Variants in ARPP21 observed in about 807,000 individuals in gnomAD.
The protein encoded by ARPP21 is cAMP-regulated phosphoprotein 21.
A neutral mutation model predicts 113.2 loss-of-function variants in ARPP21; 69 were observed. That is an observed-to-expected ratio of 0.61 (90% CI 0.50 to 0.74). The LOEUF (loss-of-function observed/expected upper bound fraction) is 0.74, where lower values mean the gene tolerates loss of function less well. Ranked by LOEUF, ARPP21 falls within the 30% of genes least tolerant of loss-of-function variation. The pLI is 0.00. For synonymous variants in ARPP21, 368 were observed against 375.5 expected, an observed-to-expected ratio of 0.98 and a Z score of 0.23; for missense variants, 1,070 against 1,037.4, an observed-to-expected ratio of 1.03 and a Z score of -0.43.
chr3:35,685,419 C>A, intron 5 of ARPP21: 2 of 984,962 alleles, frequency 2.0e-6, no homozygotes, highest in Non-Finnish European at 2.4e-6. Context: ...TCCAGACACA[C>A]ATATAAGCAA....
At chr3:35,698,849 T>C (rs2085103719) in intron 9 of ARPP21, among the ~76,000 whole-genome samples, 1 of 151,588 alleles carries the variant, frequency 6.6e-6, no homozygotes, top group African/African-American at 2.4e-5. Flanking sequence ...CTAAGTTAGA[T>C]GGTAAAAATA....
chr3:35,729,643 A>G, intron 15 of ARPP21, 107 bp downstream of exon 15: 1 of 973,430 alleles, frequency 1.0e-6, no homozygotes. Flanking sequence ...CTGAACAGGA[A>G]AGCTAGTTGC....
chr3:35,682,841 C>T lies in ARPP21; in HGVS notation c.130-7C>T. The T allele has an allele frequency of 6.2e-7, 1 of 1,604,248 alleles. No individual in the cohort carries two copies. Among genetic ancestry groups the T allele is most frequent in the Non-Finnish European group, 8.5e-7 (1 of 1,175,670 alleles). ...TTATTTTGTTTTATTTTCTTTCCAA[C>T]ATACAGAGGCGGCTGGAGGCTCAGA... On this transcript the variant is annotated splice_region_variant and splice_polypyrimidine_tract_variant and intron_variant, in intron 3 of 20. Transcript: ENST00000684406.
intron 1 of ARPP21, among the ~76,000 whole-genome samples, chr3:35,655,049 A>G (rs990503304): frequency 2.0e-5 from 3 of 151,926 alleles, no homozygotes; most frequent in African/African-American, 7.2e-5. Context: ...TTTTATATCA[A>G]TATATTTTAC....
intron 19 of ARPP21, among the ~76,000 whole-genome samples, chr3:35,761,261 A>C (rs1424527246): frequency 1.3e-5 from 2 of 152,128 alleles, no homozygotes; most frequent in Admixed American, 1.3e-4. Context: ...CTCTATATTT[A>C]GAGATGCATT....
chr3:35,695,747 C>T (rs536016626), intron 9 of ARPP21, among the ~76,000 whole-genome samples: 31 of 151,508 alleles, frequency 2.0e-4, no homozygotes, highest in Admixed American at 1.5e-3. Flanking sequence ...GGGCTATAAA[C>T]GAACATAAGA....
At chr3:35,734,460 A>T (rs1457978058) in intron 15 of ARPP21, among the ~76,000 whole-genome samples, 2 of 152,216 alleles carry the variant, frequency 1.3e-5, no homozygotes, top group African/African-American at 4.8e-5. Context: ...AAGAACATAG[A>T]AAAAAGAGAG....
intron 14 of ARPP21, among the ~76,000 whole-genome samples, chr3:35,728,031 T>G (rs1337621435): frequency 6.6e-6 from 1 of 152,028 alleles, no homozygotes; most frequent in African/African-American, 2.4e-5. Context: ...CTGTGTCATT[T>G]AAAGGATACT....
rs1437687734 is a variant in ARPP21 at position 35,639,717 on chromosome 3, C to T, written c.-894C>T. On this transcript the variant is annotated 5_prime_UTR_variant, in exon 1 of 21. Coordinates refer to ENST00000684406, the MANE Select transcript of ARPP21 (RefSeq NM_001385562.1). The surrounding 1 kb of genome is among the most constrained non-coding windows in gnomAD (Gnocchi z 5.0). ...GCACACAGAAAGATAGACAGCAACACTCGCGTGCTCCCTCCCTCCACACGC... is the reference window on the plus strand; with the variant it reads ...GCACACAGAAAGATAGACAGCAACATTCGCGTGCTCCCTCCCTCCACACGC... 6.5e-6 allele frequency: 1 copy of T among 153,204 alleles called. No homozygotes were observed. The highest frequency in any genetic ancestry group is 1.5e-5 in the Non-Finnish European group (1 of 68,860). 9.5% of individuals were successfully genotyped at this position (153,204 alleles called of 1,614,324 possible).
intron 14 of ARPP21, among the ~76,000 whole-genome samples, chr3:35,722,321 T>G (rs1248543721): frequency 6.6e-6 from 1 of 152,228 alleles, no homozygotes; most frequent in Non-Finnish European, 1.5e-5. Flanking sequence ...GCTTTCGTTC[T>G]TGCATTGGAA....
At position 35,741,986 on chromosome 3, in the gene ARPP21, G is replaced by A. The variant is rs2094692537; in HGVS notation, c.2011-1853G>A. Among the ~76,000 whole-genome samples the A allele has an allele frequency of 2.0e-5, 3 of 151,952 alleles. No individual in the cohort carries two copies. The South Asian group carries it at 6.2e-4, about 32-fold the overall frequency. ...TAGCACAGCTTGTGAAGGTATCACA[G>A]AAGCTATGTCTGGGGAAAAGAAAAA... On this transcript the variant is annotated intron_variant, in intron 18 of 20. Coordinates refer to ENST00000684406, the MANE Select transcript of ARPP21 (RefSeq NM_001385562.1).
intron 5 of ARPP21, chr3:35,684,698 T>C (rs2080027938): frequency 6.1e-6 from 6 of 984,950 alleles, no homozygotes; most frequent in South Asian, 4.7e-5. Context: ...CTTACTTTAA[T>C]TGAAATACTC....
Position 35,792,334 on chromosome 3 carries a change from C to T in ARPP21, c.2138-48C>T, listed in dbSNP as rs751322016. On this transcript the variant is annotated intron_variant, in intron 19 of 20. Coordinates refer to ENST00000684406, the MANE Select transcript of ARPP21 (RefSeq NM_001385562.1). ...AGTAGTTTTACCCCATGAAACATCACTGTGTTCTTTCTGCACAACCAGTTC... is the reference window on the plus strand; with the variant it reads ...AGTAGTTTTACCCCATGAAACATCATTGTGTTCTTTCTGCACAACCAGTTC... 15 of 1,587,792 alleles carry T rather than the reference C, an allele frequency of 9.4e-6. No individual in the cohort carries two copies. The South Asian group carries it at 1.7e-4, about 18-fold the overall frequency.
chr3:35,708,260 A>G (rs1264766852), intron 10 of ARPP21, among the ~76,000 whole-genome samples: 1 of 152,136 alleles, frequency 6.6e-6, no homozygotes, highest in East Asian at 1.9e-4. Context: ...GAGACTTAAG[A>G]TGCAGGAAGT....
intron 15 of ARPP21, among the ~76,000 whole-genome samples, chr3:35,731,247 A>C (rs1055273865): frequency 6.6e-6 from 1 of 152,200 alleles, no homozygotes; most frequent in African/African-American, 2.4e-5. Flanking sequence ...GTGCATGTGT[A>C]TGTGTATATT....
chr3:35,784,619 G>A (rs189139317), intron 19 of ARPP21, among the ~76,000 whole-genome samples: 29 of 152,022 alleles, frequency 1.9e-4, no homozygotes, highest in Admixed American at 1.2e-3. Context: ...TCCTGTCTTC[G>A]TTGTCTTTGC....
chr3:35,708,497 T>G (rs1406118713), intron 10 of ARPP21, among the ~76,000 whole-genome samples: 1 of 152,242 alleles, frequency 6.6e-6, no homozygotes, highest in Non-Finnish European at 1.5e-5. Flanking sequence ...TGTTAATTAC[T>G]TTCTTTGCTC....
At chr3:35,765,856 A>G (rs181025023) in intron 19 of ARPP21, among the ~76,000 whole-genome samples, 1 of 152,262 alleles carries the variant, frequency 6.6e-6, no homozygotes, top group African/African-American at 2.4e-5. Flanking sequence ...GTGACCTTAA[A>G]CAAAGTAACT....
intron 15 of ARPP21, among the ~76,000 whole-genome samples, chr3:35,733,121 T>C (rs1324863891): frequency 6.6e-6 from 1 of 152,142 alleles, no homozygotes; most frequent in Non-Finnish European, 1.5e-5. Context: ...CAAGAGCGCA[T>C]GATTACTTCA....
Sources: allele counts gnomAD v4.1 joint callset (sites outside exome capture counted in the v4.1 genomes callset), GRCh38; gene constraint gnomAD v4.1.1; non-coding constraint Gnocchi (gnomAD v3.1); transcripts MANE v1.5; gene names NCBI Gene and HGNC (gene_info 2026-07-23, HGNC 2026-07-21).